The following PCDH15 variants were observed in gnomAD, a reference collection of about 807,000 sequenced individuals.
PCDH15 encodes the protein protocadherin related 15, also known as protocadherin-15.
A neutral mutation model predicts 178.5 loss-of-function variants in PCDH15; 129 were observed. The ratio of observed to expected loss-of-function variants is 0.72; its 90% CI spans 0.63 to 0.84. The LOEUF is 0.84. PCDH15 is among the 40% of genes least tolerant of loss of function. PCDH15 has a pLI of 0.00. For synonymous variants in PCDH15, 800 were observed against 732.0 expected, an observed-to-expected ratio of 1.09 and a Z score of -1.50; for missense variants, 2,230 against 2,099.9, an observed-to-expected ratio of 1.06 and a Z score of -1.21.
At chr10:55,599,419 T>C (rs1376537017) in intron 2 of PCDH15, 1 of 152,118 alleles carries the variant, frequency 6.6e-6, no homozygotes, top group African/African-American at 2.4e-5. Context: ...CTATAGAGAG[T>C]AAAAGATTTT....
At chr10:53,962,199 A>G (rs1407833794) in intron 21 of PCDH15, among the ~76,000 whole-genome samples, 1 of 152,050 alleles carries the variant, frequency 6.6e-6, no homozygotes, top group African/African-American at 2.4e-5. Flanking sequence ...TTCCTCCCAA[A>G]ACACCCAATA....
intron 3 of PCDH15, among the ~76,000 whole-genome samples, chr10:54,451,457 G>T (rs1267649717): frequency 6.6e-6 from 1 of 151,914 alleles, no homozygotes; most frequent in African/African-American, 2.4e-5. Flanking sequence ...TTTGGAAAGA[G>T]TTTTGTTTAT....
chr10:53,810,702 G>C, intron 36 of PCDH15, 38 bp from the exon 37 acceptor site: 1 of 1,541,782 alleles, frequency 6.5e-7, no homozygotes, highest in African/African-American at 1.4e-5. Flanking sequence ...AGTTTGTCAT[G>C]TGATTTCTGT....
At chr10:55,384,490 G>A (rs192013247) in intron 2 of PCDH15, among the ~76,000 whole-genome samples, 83 of 152,090 alleles carry the variant, frequency 5.5e-4, no homozygotes, top group Admixed American at 1.7e-3. Context: ...AAAATTAATT[G>A]CCATTACAAA....
intron 2 of PCDH15, among the ~76,000 whole-genome samples, chr10:54,954,767 T>G (rs1046466979): frequency 6.6e-5 from 10 of 151,382 alleles, no homozygotes; most frequent in Admixed American, 4.6e-4. Flanking sequence ...AAAGGTGTTC[T>G]CCCCTTTATT....
chr10:54,919,053 C>T (rs534106478), intron 2 of PCDH15, among the ~76,000 whole-genome samples: 1 of 152,216 alleles, frequency 6.6e-6, no homozygotes, highest in East Asian at 1.9e-4. Context: ...AATGCTGTTG[C>T]TTTCTCACCA....
At chr10:54,233,612 G>T (rs1195799880) in intron 9 of PCDH15, among the ~76,000 whole-genome samples, 1 of 152,180 alleles carries the variant, frequency 6.6e-6, no homozygotes, top group Non-Finnish European at 1.5e-5. Flanking sequence ...CTGTTAGGGG[G>T]TAGAGTGTTT....
intron 26 of PCDH15, among the ~76,000 whole-genome samples, chr10:53,871,831 G>A (rs961061362): frequency 1.4e-4 from 21 of 151,956 alleles, no homozygotes; most frequent in African/African-American, 4.3e-4. Flanking sequence ...TTGGCTCACC[G>A]CAACCTCCAC....
At chr10:55,240,944 C>A (rs953163180) in intron 1 of PCDH15, among the ~76,000 whole-genome samples, 11 of 152,142 alleles carry the variant, frequency 7.2e-5, no homozygotes, top group African/African-American at 2.4e-4. Context: ...AGACCGGGCA[C>A]GGTGGCTCAG....
At chr10:53,829,766 G>C (rs909798219) in intron 30 of PCDH15, among the ~76,000 whole-genome samples, 1 of 152,104 alleles carries the variant, frequency 6.6e-6, no homozygotes, top group Non-Finnish European at 1.5e-5. Flanking sequence ...TAAAGGAATG[G>C]AGTCATGCAG....
At chr10:54,917,024 G>A (rs1277256120) in intron 2 of PCDH15, among the ~76,000 whole-genome samples, 1 of 152,074 alleles carries the variant, frequency 6.6e-6, no homozygotes, top group East Asian at 1.9e-4. Context: ...TTTTTCATCA[G>A]GAAATTAGAA....
chr10:54,579,911 A>T (rs1119170), intron 2 of PCDH15, among the ~76,000 whole-genome samples: 144,679 of 152,104 alleles, frequency 0.95, 68,932 homozygotes, highest in Middle Eastern at 0.98. Flanking sequence ...AAGGAAATTT[A>T]TAAAATTATT....
chr10:55,542,271 T>C (rs1336997544), intron 2 of PCDH15, among the ~76,000 whole-genome samples: 1 of 151,214 alleles, frequency 6.6e-6, no homozygotes, highest in Non-Finnish European at 1.5e-5. Context: ...ACAGTATGTC[T>C]ATATTATGTA....
chr10:55,170,437 C>T (rs1023860671), intron 1 of PCDH15, among the ~76,000 whole-genome samples: 1 of 152,128 alleles, frequency 6.6e-6, no homozygotes, highest in Admixed American at 6.6e-5. Context: ...GAATGAGCCA[C>T]CGTGCCAGCC....
At chr10:55,155,676 CATA>C (rs1276907553) in intron 2 of PCDH15, among the ~76,000 whole-genome samples, 10 of 152,022 alleles carry the variant, frequency 6.6e-5, no homozygotes, top group African/African-American at 2.2e-4. Context: ...TAAACAGAAA[CATA>C]ATTATTGGGG....
In PCDH15 at chr10:53,987,047, CAT is replaced by C. The variant is rs541927896; in HGVS notation, c.2868+8600_2868+8601del. ...TGAGCTGATAAACTATATAAATTTG[CAT>C]ATGAGGGGCCATCATACACCAGACA... is the stretch of plus-strand genomic sequence containing the variant. On this transcript the variant is annotated intron_variant, in intron 21 of 37. Transcript: ENST00000644397. Among the ~76,000 whole-genome samples, 14 of 152,040 alleles carry C rather than the reference CAT, an allele frequency of 9.2e-5. No individual in the cohort carries two copies. The East Asian group carries it at 2.7e-3, about 29-fold the overall frequency.
intron 8 of PCDH15, among the ~76,000 whole-genome samples, chr10:54,280,611 T>C (rs1048781208): frequency 5.9e-5 from 9 of 151,848 alleles, no homozygotes; most frequent in African/African-American, 2.2e-4. Context: ...ATATATTACC[T>C]TCACATATGA....
At chr10:55,457,249 A>C (rs896452227) in intron 2 of PCDH15, among the ~76,000 whole-genome samples, 10 of 152,124 alleles carry the variant, frequency 6.6e-5, no homozygotes, top group African/African-American at 2.4e-4. Flanking sequence ...AGGAATTATT[A>C]ACTACCACAT....
At chr10:54,257,800 A>G (rs1296610010) in intron 8 of PCDH15, among the ~76,000 whole-genome samples, 1 of 152,192 alleles carries the variant, frequency 6.6e-6, no homozygotes, top group Non-Finnish European at 1.5e-5. Context: ...AAAGCATGCT[A>G]TAGAAGCATT....
Sources: gnomAD v4.1 joint callset for allele counts (sites outside exome capture counted in the v4.1 genomes callset) on GRCh38, gnomAD v4.1.1 for gene constraint, MANE v1.5 for transcripts, NCBI Gene and HGNC (gene_info 2026-07-23, HGNC 2026-07-21) for gene names.